The following MYO16 variants were observed in gnomAD, a reference collection of about 807,000 sequenced individuals.
The protein encoded by MYO16 is unconventional myosin-XVI.
MYO16 carries 94 observed loss-of-function variants against 205.3 expected under a neutral mutation model. The ratio of observed to expected loss-of-function variants is 0.46; its 90% confidence interval spans 0.39 to 0.54. MYO16 has a LOEUF of 0.54. Ranked by LOEUF, MYO16 falls within the 20% of genes least tolerant of loss-of-function variation. The pLI is 0.00. For synonymous variants in MYO16, 988 were observed against 954.0 expected (o/e 1.04, Z -0.66); for missense variants, 2,315 against 2,387.5 (o/e 0.97, Z 0.63).
chr13:109,184,144 C>G (rs567409167), intron 34 of MYO16, among the ~76,000 whole-genome samples: 2 of 152,100 alleles, frequency 1.3e-5, no homozygotes, highest in South Asian at 4.2e-4. Context: ...AAAGATATGT[C>G]AGGGAACGTA....
intron 23 of MYO16, among the ~76,000 whole-genome samples, chr13:109,037,838 T>C (rs1461926251): frequency 6.6e-6 from 1 of 152,170 alleles, no homozygotes; most frequent in East Asian, 1.9e-4. Flanking sequence ...GGTATGTCAC[T>C]GAGCAAGGCC....
At chr13:109,175,707 T>A (rs1566549347) in intron 33 of MYO16, among the ~76,000 whole-genome samples, 1 of 152,090 alleles carries the variant, frequency 6.6e-6, no homozygotes, top group Non-Finnish European at 1.5e-5. Context: ...GCTGCTACAG[T>A]AAGAGGAGCA....
intron 24 of MYO16, among the ~76,000 whole-genome samples, chr13:109,051,640 T>C (rs9555548): frequency 0.41 from 62,111 of 152,028 alleles, 13,512 homozygotes; most frequent in East Asian, 0.83. Flanking sequence ...TCTAATTTCT[T>C]CCTGAGGTGT....
intron 21 of MYO16, among the ~76,000 whole-genome samples, chr13:108,997,401 AGAGT>A (rs1885061921): frequency 2.4e-5 from 1 of 41,348 alleles, no homozygotes; most frequent in Admixed American, 3.1e-4. Context: ...GGAGGGAGGG[AGAGT>A]GGGAGGAAAG....
chr13:108,727,650 A>G, intron 4 of MYO16, 67 bp downstream of exon 4: 1 of 1,513,024 alleles, frequency 6.6e-7, no homozygotes, highest in Non-Finnish European at 8.9e-7. Context: ...ATATTTAACT[A>G]ATGCTATTTT....
intron 4 of MYO16, among the ~76,000 whole-genome samples, chr13:108,730,465 T>A (rs1307399019): frequency 6.6e-6 from 1 of 152,030 alleles, no homozygotes; most frequent in East Asian, 1.9e-4. Context: ...AGTCTAGAGG[T>A]AGCAAAACAC....
intron 27 of MYO16, among the ~76,000 whole-genome samples, chr13:109,065,837 G>A (rs1159639624): frequency 6.6e-6 from 1 of 152,174 alleles, no homozygotes; most frequent in South Asian, 2.1e-4. Context: ...TCATTTAAAG[G>A]ATTATTTATG....
chr13:108,947,307 C>T (rs890124921), intron 16 of MYO16, among the ~76,000 whole-genome samples: 17 of 152,164 alleles, frequency 1.1e-4, no homozygotes, highest in Admixed American at 7.2e-4. Context: ...TGTTCAGCCT[C>T]GCCTGCGGCA....
At chr13:108,761,116 A>G (rs1885594206) in intron 4 of MYO16, among the ~76,000 whole-genome samples, 2 of 152,196 alleles carry the variant, frequency 1.3e-5, no homozygotes, top group Non-Finnish European at 2.9e-5. Flanking sequence ...AAGGAAACCA[A>G]TAAATGAGAG....
chr13:108,680,455 A>C (rs942462409), intron 2 of MYO16, among the ~76,000 whole-genome samples: 2 of 152,188 alleles, frequency 1.3e-5, no homozygotes, highest in Non-Finnish European at 2.9e-5. Flanking sequence ...CACATATCCA[A>C]GGTTAATACA....
chr13:108,647,841 G>T (rs1310541978), intron 1 of MYO16, among the ~76,000 whole-genome samples: 1 of 152,122 alleles, frequency 6.6e-6, no homozygotes, highest in Non-Finnish European at 1.5e-5. Flanking sequence ...ACAAAGCTTT[G>T]CATATAGCAA....
intron 6 of MYO16, among the ~76,000 whole-genome samples, chr13:108,803,850 T>C (rs1376847400): frequency 1.3e-5 from 2 of 152,150 alleles, no homozygotes; most frequent in African/African-American, 4.8e-5. Flanking sequence ...TTGTGTATCA[T>C]CCAGAGACTA....
the MYO16 span, among the ~76,000 whole-genome samples, chr13:108,541,390 A>C: frequency 6.6e-6 from 1 of 150,966 alleles, no homozygotes; most frequent in Non-Finnish European, 1.5e-5. Context: ...TTATATATAC[A>C]TTAATTTTTG....
chr13:109,075,357 A>G (rs930950876), intron 27 of MYO16, among the ~76,000 whole-genome samples: 2 of 42,624 alleles, frequency 4.7e-5, no homozygotes, highest in African/African-American at 7.1e-5. Context: ...TTCTGGCATT[A>G]AAATGAATTT....
At chr13:108,960,274 CA>C (rs369076417) in intron 17 of MYO16, among the ~76,000 whole-genome samples, 446 of 127,418 alleles carry the variant, frequency 3.5e-3, no homozygotes, top group African/African-American at 6.5e-3. Context: ...AACCCTGTCT[CA>C]AAAAAAAAAA....
intron 1 of MYO16, among the ~76,000 whole-genome samples, chr13:108,603,317 A>G (rs1878834216): frequency 6.6e-6 from 1 of 152,198 alleles, no homozygotes; most frequent in Non-Finnish European, 1.5e-5. Context: ...TTTTCCTAAT[A>G]GAGATAGTGC....
intron 34 of MYO16, among the ~76,000 whole-genome samples, chr13:109,204,229 AGTT>A (rs1208868355): frequency 1.3e-5 from 2 of 152,248 alleles, no homozygotes; most frequent in Non-Finnish European, 2.9e-5. Flanking sequence ...ATGAATATGA[AGTT>A]GTGTCATTTA....
intron 33 of MYO16, among the ~76,000 whole-genome samples, chr13:109,175,046 A>G (rs1879106958): frequency 2.0e-5 from 3 of 152,150 alleles, no homozygotes; most frequent in Middle Eastern, 3.4e-3. Flanking sequence ...CACTGCACCC[A>G]GCCCTCATTC....
chr13:108,496,129 G>T, the MYO16 span, among the ~76,000 whole-genome samples: 1 of 152,188 alleles, frequency 6.6e-6, no homozygotes, highest in Non-Finnish European at 1.5e-5. Context: ...CGTCTGGGGG[G>T]CGTGGAGAGG....
Sources: allele counts gnomAD v4.1 joint callset (sites outside exome capture counted in the v4.1 genomes callset), GRCh38; gene constraint gnomAD v4.1.1; transcripts MANE v1.5; gene names NCBI Gene and HGNC (gene_info 2026-07-23, HGNC 2026-07-21).